BBX: variants seen among roughly 807,000 people sequenced by gnomAD.
BBX encodes HMG box transcription factor BBX.
BBX carries 30 observed loss-of-function variants against 100.2 expected under a neutral mutation model. The ratio of observed to expected loss-of-function variants is 0.30; its 90% CI spans 0.22 to 0.41. The LOEUF (loss-of-function observed/expected upper bound fraction) is 0.41. BBX is among the 10% of genes least tolerant of loss of function. The probability of loss-of-function intolerance (pLI) is 1.00; values close to 1 mark genes in which losing one functional copy is unlikely to be tolerated. For missense variants in BBX, 1,023 were observed against 1,129.8 expected, an observed-to-expected ratio of 0.91 and a Z score of 1.35; for synonymous variants, 376 against 388.1, an observed-to-expected ratio of 0.97 and a Z score of 0.37.
chr3:107,621,358 C>A (rs2055754350), intron 2 of BBX, among the ~76,000 whole-genome samples: 1 of 152,126 alleles, frequency 6.6e-6, no homozygotes, highest in African/African-American at 2.4e-5. Context: ...AGCTTCTCTG[C>A]CCTTTTTCTG....
intron 3 of BBX, among the ~76,000 whole-genome samples, chr3:107,690,779 G>C (rs2060110794): frequency 1.3e-5 from 2 of 150,830 alleles, no homozygotes; most frequent in Non-Finnish European, 2.9e-5. Flanking sequence ...CGTGTATCTT[G>C]TGGGTAGTGA....
At chr3:107,679,010 T>C (rs1181193849) in intron 3 of BBX, among the ~76,000 whole-genome samples, 1 of 152,132 alleles carries the variant, frequency 6.6e-6, no homozygotes. Flanking sequence ...GATGCGGGTT[T>C]ACAAATTCAG....
chr3:107,664,026 C>T (rs1169837584), intron 3 of BBX, among the ~76,000 whole-genome samples: 2 of 152,068 alleles, frequency 1.3e-5, no homozygotes, highest in Admixed American at 6.6e-5. Flanking sequence ...AGGATGGTCT[C>T]GATCTCCTGA....
At chr3:107,608,301 C>T (rs2054594879) in intron 2 of BBX, among the ~76,000 whole-genome samples, 1 of 152,102 alleles carries the variant, frequency 6.6e-6, no homozygotes, top group Non-Finnish European at 1.5e-5. Flanking sequence ...ATATCGGTTT[C>T]CCAGGATCAT....
intron 2 of BBX, among the ~76,000 whole-genome samples, chr3:107,612,531 G>A (rs1052874398): frequency 2.6e-5 from 4 of 152,156 alleles, no homozygotes; most frequent in African/African-American, 9.7e-5. Context: ...GATAAGATCC[G>A]AAAGAATTCT....
At chr3:107,555,964 GT>G (rs2050068153) in intron 2 of BBX, among the ~76,000 whole-genome samples, 1 of 152,032 alleles carries the variant, frequency 6.6e-6, no homozygotes, top group African/African-American at 2.4e-5. Context: ...AAATTTGTTT[GT>G]GATAGAAACA....
intron 2 of BBX, among the ~76,000 whole-genome samples, chr3:107,547,639 C>T (rs569050705): frequency 2.0e-5 from 3 of 152,092 alleles, no homozygotes; most frequent in African/African-American, 4.8e-5. Flanking sequence ...GTGGTGTACC[C>T]GGCACTCTTC....
intron 13 of BBX, among the ~76,000 whole-genome samples, chr3:107,785,939 C>T (rs2068374686): frequency 6.6e-6 from 1 of 151,872 alleles, no homozygotes; most frequent in South Asian, 2.1e-4. Context: ...CTAAGGAATC[C>T]ACCAAAAAAC....
intron 2 of BBX, among the ~76,000 whole-genome samples, chr3:107,547,491 C>T (rs980487452): frequency 6.6e-6 from 1 of 152,054 alleles, no homozygotes; most frequent in Non-Finnish European, 1.5e-5. Flanking sequence ...TTTTGACATA[C>T]GACTTTAAGA....
chr3:107,787,999 A>C (rs949894382), intron 13 of BBX, among the ~76,000 whole-genome samples: 5 of 152,284 alleles, frequency 3.3e-5, no homozygotes, highest in African/African-American at 9.6e-5. Flanking sequence ...GGAGCTCTGG[A>C]TCTCTTAAGT....
chr3:107,804,193 C>T (rs192497117), intron 17 of BBX, among the ~76,000 whole-genome samples: 1 of 152,074 alleles, frequency 6.6e-6, no homozygotes. Flanking sequence ...TTCTGAAACC[C>T]CCAAATGTTG....
chr3:107,531,851 A>G (rs1305451975), intron 2 of BBX, among the ~76,000 whole-genome samples: 1 of 152,160 alleles, frequency 6.6e-6, no homozygotes, highest in East Asian at 1.9e-4. Context: ...CCTTGTCAGC[A>G]CAGGGCATTC....
At chr3:107,607,639 G>A (rs1024472185) in intron 2 of BBX, among the ~76,000 whole-genome samples, 3 of 152,138 alleles carry the variant, frequency 2.0e-5, no homozygotes, top group Admixed American at 6.5e-5. Context: ...CCTCCCAACC[G>A]TTCTCCATAG....
intron 2 of BBX, among the ~76,000 whole-genome samples, chr3:107,575,638 GTA>G (rs1387314980): frequency 2.0e-4 from 31 of 151,686 alleles, no homozygotes; most frequent in Non-Finnish European, 4.0e-4. Flanking sequence ...CTTTAGAGAA[GTA>G]TAGTTTCCAT....
chr3:107,692,289 C>T (rs2060230788), intron 3 of BBX, among the ~76,000 whole-genome samples: 3 of 151,904 alleles, frequency 2.0e-5, no homozygotes, highest in Non-Finnish European at 1.5e-5. Context: ...TGGTGCGCTG[C>T]ACCTACTAAC....
chr3:107,590,806 C>T (rs2053249933), intron 2 of BBX, among the ~76,000 whole-genome samples: 1 of 152,196 alleles, frequency 6.6e-6, no homozygotes, highest in Admixed American at 6.5e-5. Flanking sequence ...ATATTTACTC[C>T]ATTTTCAACA....
At chr3:107,650,416 A>G (rs1019461319) in intron 3 of BBX, among the ~76,000 whole-genome samples, 3 of 152,240 alleles carry the variant, frequency 2.0e-5, no homozygotes, top group African/African-American at 7.2e-5. Context: ...ATTCGTGGAA[A>G]AATTGTCTTC....
At chr3:107,706,076 G>A (rs866158437) in intron 3 of BBX, among the ~76,000 whole-genome samples, 1 of 144,654 alleles carries the variant, frequency 6.9e-6, no homozygotes, top group African/African-American at 2.6e-5. Context: ...AGACTGGAGT[G>A]CAGTGGCATA....
In BBX at chr3:107,568,733, C is replaced by T. The variant is rs1190870731; in HGVS notation, c.-84+42335C>T. ...TCTGGGGAAATCCTTGGCCCAGGTT[C>T]CACTCATAATTCTTTCTTCAACGAT... is the stretch of plus-strand genomic sequence containing the variant. On this transcript the variant is annotated intron_variant, in intron 2 of 17. Transcript: ENST00000325805. Among the ~76,000 whole-genome samples the T allele has an allele frequency of 2.0e-5, 3 of 152,238 alleles. No homozygotes were observed. The East Asian group carries it at 5.8e-4, about 29-fold the overall frequency.
Sources: gnomAD v4.1 joint callset for allele counts (sites outside exome capture counted in the v4.1 genomes callset) on GRCh38, gnomAD v4.1.1 for gene constraint, MANE v1.5 for transcripts, NCBI Gene and HGNC (gene_info 2026-07-23, HGNC 2026-07-21) for gene names.